The following LRRIQ3 variants were observed in gnomAD, a reference collection of about 807,000 sequenced individuals.
The protein encoded by LRRIQ3 is leucine rich repeats and IQ motif containing 3, also known as leucine-rich repeat and IQ domain-containing protein 3.
In LRRIQ3, 75 loss-of-function variants were observed where a neutral mutation model predicts 59.3. The ratio of observed to expected loss-of-function variants is 1.26; its 90% CI spans 1.05 to 1.53. LRRIQ3 has a LOEUF of 1.53. LRRIQ3 is among the 40% of genes most tolerant of loss of function. LRRIQ3 has a pLI of 0.00. For missense variants in LRRIQ3, 831 were observed against 710.0 expected (o/e 1.17, Z -1.94); for synonymous variants, 250 against 231.3 (o/e 1.08, Z -0.73).
chr1:74,149,273 T>C (rs1230508158), intron 4 of LRRIQ3, among the ~76,000 whole-genome samples: 1 of 152,212 alleles, frequency 6.6e-6, no homozygotes, highest in Non-Finnish European at 1.5e-5. Flanking sequence ...CTTACATGTA[T>C]AGAATCATGC....
At chr1:74,113,812 CCTCCATG>C (rs1329386580) in intron 4 of LRRIQ3, among the ~76,000 whole-genome samples, 1 of 151,700 alleles carries the variant, frequency 6.6e-6, no homozygotes, top group Non-Finnish European at 1.5e-5. Flanking sequence ...AGTCAAGAGA[CCTCCATG>C]CTTTTTAAGA....
intron 5 of LRRIQ3, among the ~76,000 whole-genome samples, chr1:74,079,456 T>C (rs1277055873): frequency 6.6e-6 from 1 of 151,852 alleles, no homozygotes; most frequent in African/African-American, 2.4e-5. Flanking sequence ...ACTTTAAATA[T>C]TGTCTCCTCA....
chr1:74,177,090 C>T (rs1483931174), intron 3 of LRRIQ3, among the ~76,000 whole-genome samples: 4 of 152,140 alleles, frequency 2.6e-5, no homozygotes, highest in Non-Finnish European at 5.9e-5. Flanking sequence ...GAGCAGGCTT[C>T]TGTTACTTTT....
At position 74,041,325 on chromosome 1, in the gene LRRIQ3, C is replaced by T. The variant is rs780731180; in HGVS notation, c.1606G>A (p.Asp536Asn). 1.2e-6 allele frequency: 2 copies of T among 1,613,754 alleles called. No individual in the cohort carries two copies. Among genetic ancestry groups the T allele is most frequent in the African/African-American group, 2.7e-5 (2 of 75,000 alleles). The change falls in exon 7 of 8, where the codon GAC (aspartate) becomes AAC (asparagine). Residue 536 changes from aspartate (D) to asparagine (N), a missense_variant. By Grantham distance (23) the Asp-to-Asn change is conservative (BLOSUM62 1). Coordinates refer to ENST00000354431, the MANE Select transcript of LRRIQ3 (RefSeq NM_001105659.2). ...ACAGCCTCATTCTTCTCCAGTCTGT[C>T]AATTTTAAGTAGTCCTCTGGTCAAA... ...TLLTRGLLKIDRLEKNEAVLK... is the reference protein window; with the variant it reads ...TLLTRGLLKINRLEKNEAVLK...
chr1:74,040,945 A>T (rs542833444), intron 7 of LRRIQ3, among the ~76,000 whole-genome samples: 2 of 152,292 alleles, frequency 1.3e-5, no homozygotes, highest in South Asian at 4.1e-4. Flanking sequence ...GAGGCTGATG[A>T]TGATGCCATT....
rs778559049 is a variant in LRRIQ3 at position 74,155,801 on chromosome 1, C to G, written c.639G>C (p.Leu213=). 50 of 1,584,596 alleles carry G rather than the reference C, an allele frequency of 3.2e-5. No homozygotes were observed. Among genetic ancestry groups the G allele is most frequent in the Non-Finnish European group, 4.0e-5 (47 of 1,168,026 alleles). ...CAATCAAAACTGGTGAATTATGAGCCAGAATTGCATTAATTTTTGAAGTAA... is the reference window on the plus strand; with the variant it reads ...CAATCAAAACTGGTGAATTATGAGCGAGAATTGCATTAATTTTTGAAGTAA... ...KHITSKINAI[L]AHNSPVLIVQ... The change falls in exon 4 of 8, where the codon CTG becomes CTC. Residue 213 remains leucine (L), a synonymous_variant. Transcript: ENST00000354431.
chr1:74,031,788 A>C (rs1230116962), intron 7 of LRRIQ3, among the ~76,000 whole-genome samples: 1 of 152,100 alleles, frequency 6.6e-6, no homozygotes, highest in African/African-American at 2.4e-5. Flanking sequence ...AAAGTCTTAG[A>C]GAATGAGAAA....
chr1:74,192,490 G>A (rs1650829920), intron 1 of LRRIQ3, among the ~76,000 whole-genome samples: 1 of 151,766 alleles, frequency 6.6e-6, no homozygotes, highest in Non-Finnish European at 1.5e-5. Flanking sequence ...ACTGATTTTT[G>A]TTTCATATGT....
chr1:74,043,315 A>C (rs903889104), intron 6 of LRRIQ3, among the ~76,000 whole-genome samples: 1 of 152,132 alleles, frequency 6.6e-6, no homozygotes, highest in African/African-American at 2.4e-5. Flanking sequence ...TTATGTGTAA[A>C]AATGTCAAAT....
chr1:74,128,425 G>A (rs1434367318), intron 4 of LRRIQ3, among the ~76,000 whole-genome samples: 3 of 152,010 alleles, frequency 2.0e-5, no homozygotes, highest in Non-Finnish European at 4.4e-5. Context: ...TTCAACTCCA[G>A]AGTTTTTGCT....
At position 74,074,589 on chromosome 1, in the gene LRRIQ3, A is replaced by G. The variant is rs187255300; in HGVS notation, c.997+72T>C. The stretch of plus-strand genomic sequence containing the variant: ...TTATACTTGCAAATCAACATGCCCA[A>G]TTTCTAATTATATTATTTACTCTTC... On this transcript the variant is annotated intron_variant, in intron 6 of 7. Transcript: ENST00000354431. 236 of 709,680 alleles carry G rather than the reference A, an allele frequency of 3.3e-4. No individual in the cohort carries two copies. In the African/African-American group the frequency reaches 3.6e-3, roughly 11 times the overall value. The allele number at this position is 709,680 out of a possible 1,614,324, so 44.0% of individuals were successfully genotyped here.
chr1:74,119,795 C>A (rs1027758592), intron 4 of LRRIQ3, among the ~76,000 whole-genome samples: 18 of 152,094 alleles, frequency 1.2e-4, no homozygotes, highest in Admixed American at 6.6e-5. Context: ...TTTCTCTATC[C>A]CTGTGCCAAT....
chr1:74,044,655 C>CA (rs1217573054), intron 6 of LRRIQ3, among the ~76,000 whole-genome samples: 2 of 151,948 alleles, frequency 1.3e-5, no homozygotes, highest in Non-Finnish European at 2.9e-5. Context: ...AAAAACCCTT[C>CA]AAAAAATCAA....
At chr1:74,173,912 T>A (rs1343005671) in intron 3 of LRRIQ3, among the ~76,000 whole-genome samples, 2 of 152,022 alleles carry the variant, frequency 1.3e-5, no homozygotes, top group South Asian at 4.1e-4. Flanking sequence ...ACGTTTTGGG[T>A]TTTTTATTGT....
chr1:74,154,717 A>G (rs1648216485), intron 4 of LRRIQ3, among the ~76,000 whole-genome samples: 1 of 152,210 alleles, frequency 6.6e-6, no homozygotes, highest in Admixed American at 6.5e-5. Flanking sequence ...TAAAGACAGA[A>G]TTAATATTTT....
At chr1:74,123,989 C>T (rs1453486079) in intron 4 of LRRIQ3, among the ~76,000 whole-genome samples, 1 of 151,878 alleles carries the variant, frequency 6.6e-6, no homozygotes, top group Non-Finnish European at 1.5e-5. Flanking sequence ...GTCATAAAAA[C>T]AGACATCTAC....
At chr1:74,142,795 T>C (rs1056324726) in intron 4 of LRRIQ3, among the ~76,000 whole-genome samples, 1 of 151,962 alleles carries the variant, frequency 6.6e-6, no homozygotes, top group African/African-American at 2.4e-5. Context: ...TTGCAGCTCC[T>C]GAAACTTGCT....
At chr1:74,042,871 G>A (rs766921600) in intron 6 of LRRIQ3, among the ~76,000 whole-genome samples, 2 of 152,048 alleles carry the variant, frequency 1.3e-5, no homozygotes, top group Non-Finnish European at 2.9e-5. Context: ...AAGAAACAAT[G>A]TGCACCTTCT....
chr1:74,062,200 T>C (rs1654738394), intron 6 of LRRIQ3, among the ~76,000 whole-genome samples: 1 of 151,854 alleles, frequency 6.6e-6, no homozygotes, highest in South Asian at 2.1e-4. Context: ...ATAGGGAACT[T>C]AAATATACAA....
Sources: allele counts gnomAD v4.1 joint callset (sites outside exome capture counted in the v4.1 genomes callset), GRCh38; gene constraint gnomAD v4.1.1; transcripts MANE v1.5; gene names NCBI Gene and HGNC (gene_info 2026-07-23, HGNC 2026-07-21).